Variants in PTPRM observed in about 807,000 individuals in gnomAD.
The protein encoded by PTPRM is receptor-type tyrosine-protein phosphatase mu.
A neutral mutation model predicts 186.7 loss-of-function variants in PTPRM; 47 were observed. The ratio of observed to expected loss-of-function variants is 0.25; its 90% CI spans 0.20 to 0.32. The LOEUF (loss-of-function observed/expected upper bound fraction) is 0.32, where lower values mean the gene tolerates loss of function less well. PTPRM is among the 10% of genes least tolerant of loss of function. The probability of loss-of-function intolerance (pLI) is 1.00; values close to 1 mark genes in which losing one functional copy is unlikely to be tolerated. For missense variants in PTPRM, 1,494 were observed against 1,865.0 expected, an observed-to-expected ratio of 0.80 and a Z score of 3.66; for synonymous variants, 668 against 674.9, an observed-to-expected ratio of 0.99 and a Z score of 0.16.
intron 2 of PTPRM, among the ~76,000 whole-genome samples, chr18:7,809,214 C>T (rs7233698): frequency 0.014 from 2,094 of 152,158 alleles, 42 homozygotes; most frequent in African/African-American, 0.048. Flanking sequence ...CGGTAGGAGG[C>T]GGCAGGCAAG....
At chr18:7,748,433 G>A (rs534545242) in intron 1 of PTPRM, among the ~76,000 whole-genome samples, 83 of 152,168 alleles carry the variant, frequency 5.5e-4, no homozygotes, top group Non-Finnish European at 1.0e-3. Flanking sequence ...GTCCTTCTGC[G>A]TGGGATGTGG....
intron 2 of PTPRM, among the ~76,000 whole-genome samples, chr18:7,875,521 T>C (rs2048195500): frequency 6.6e-6 from 1 of 152,034 alleles, no homozygotes; most frequent in South Asian, 2.1e-4. Context: ...AGACGGGGTT[T>C]CACCATATTG....
chr18:7,729,173 A>G (rs745925246), intron 1 of PTPRM, among the ~76,000 whole-genome samples: 1 of 152,172 alleles, frequency 6.6e-6, no homozygotes, highest in Non-Finnish European at 1.5e-5. Context: ...GCCTCTCAAA[A>G]TGCTGGGATT....
intron 14 of PTPRM, among the ~76,000 whole-genome samples, chr18:8,166,266 C>T (rs2093322837): frequency 6.6e-6 from 1 of 152,152 alleles, no homozygotes; most frequent in African/African-American, 2.4e-5. Flanking sequence ...AGGCAAGGAA[C>T]AAGTCATACT....
At chr18:8,308,047 A>G (rs1293937453) in intron 20 of PTPRM, among the ~76,000 whole-genome samples, 3 of 152,184 alleles carry the variant, frequency 2.0e-5, no homozygotes, top group Admixed American at 6.5e-5. Flanking sequence ...TTGGAAAAAT[A>G]CACATAAAAT....
At chr18:7,807,831 A>T (rs1036558111) in intron 2 of PTPRM, among the ~76,000 whole-genome samples, 1 of 152,240 alleles carries the variant, frequency 6.6e-6, no homozygotes, top group African/African-American at 2.4e-5. Flanking sequence ...TGACTTCATA[A>T]TAATTGACGC....
intron 7 of PTPRM, among the ~76,000 whole-genome samples, chr18:8,042,877 T>C (rs2086779813): frequency 6.6e-6 from 1 of 152,166 alleles, no homozygotes; most frequent in Non-Finnish European, 1.5e-5. Flanking sequence ...ATTTTCTTGG[T>C]CCAGGCCTCA....
intron 1 of PTPRM, among the ~76,000 whole-genome samples, chr18:7,633,620 G>A (rs1195880165): frequency 2.0e-5 from 3 of 152,074 alleles, no homozygotes; most frequent in African/African-American, 4.8e-5. Context: ...TTTCAAATCT[G>A]ACCTGCTCTC....
chr18:7,591,475 T>A (rs1043984768), intron 1 of PTPRM, among the ~76,000 whole-genome samples: 1 of 152,072 alleles, frequency 6.6e-6, no homozygotes, highest in Non-Finnish European at 1.5e-5. Flanking sequence ...AACAACAGAC[T>A]GGAAACCCCA....
intron 1 of PTPRM, among the ~76,000 whole-genome samples, chr18:7,763,854 T>C (rs2041896263): frequency 6.6e-6 from 1 of 152,186 alleles, no homozygotes; most frequent in Non-Finnish European, 1.5e-5. Flanking sequence ...GTTTATCAGC[T>C]GTCCCAGATA....
At chr18:7,654,715 C>A (rs964362992) in intron 1 of PTPRM, among the ~76,000 whole-genome samples, 1 of 152,100 alleles carries the variant, frequency 6.6e-6, no homozygotes, top group Non-Finnish European at 1.5e-5. Context: ...GAGTCCTTTC[C>A]CCATTGCTTG....
rs74555807 is a variant in PTPRM at position 8,276,480 on chromosome 18, G to A, written c.2755-19888G>A. On this transcript the variant is annotated intron_variant, in intron 19 of 32. Transcript: ENST00000580170. ...TTAGTACCAGGTAGTGGACTTCCTCGTGGTGGTGGGAAGAGAAATCAATAT... is the reference window on the plus strand; with the variant it reads ...TTAGTACCAGGTAGTGGACTTCCTCATGGTGGTGGGAAGAGAAATCAATAT... Among the ~76,000 whole-genome samples, 1,390 of 152,236 alleles carry A rather than the reference G, an allele frequency of 9.1e-3. 26 individuals are homozygous for A. Among genetic ancestry groups the A allele is most frequent in the African/African-American group, 0.032 (1,336 of 41,544 alleles).
intron 1 of PTPRM, among the ~76,000 whole-genome samples, chr18:7,606,436 T>A (rs1331114533): frequency 6.6e-6 from 1 of 152,064 alleles, no homozygotes; most frequent in Non-Finnish European, 1.5e-5. Flanking sequence ...ACCTGTGCGG[T>A]TGGAGAGCTT....
At chr18:7,858,625 A>G (rs1473820769) in intron 2 of PTPRM, among the ~76,000 whole-genome samples, 2 of 152,220 alleles carry the variant, frequency 1.3e-5, no homozygotes, top group African/African-American at 2.4e-5. Context: ...AGAATTACCA[A>G]TATAATTTAA....
chr18:7,609,466 C>T (rs1258410655), intron 1 of PTPRM, among the ~76,000 whole-genome samples: 2 of 151,224 alleles, frequency 1.3e-5, no homozygotes, highest in African/African-American at 4.9e-5. Context: ...CCAGAGTCCT[C>T]TTGCATAGAA....
intron 2 of PTPRM, among the ~76,000 whole-genome samples, chr18:7,877,631 G>A (rs9304004): frequency 0.1 from 15,606 of 152,162 alleles, 1,262 homozygotes; most frequent in African/African-American, 0.23. Context: ...ACTTGCAAAA[G>A]AGAGTTAGTT....
intron 1 of PTPRM, among the ~76,000 whole-genome samples, chr18:7,765,500 G>T (rs931701589): frequency 6.6e-6 from 1 of 152,122 alleles, no homozygotes; most frequent in African/African-American, 2.4e-5. Context: ...AGAAGTCACT[G>T]TGATTTAAAA....
intron 2 of PTPRM, among the ~76,000 whole-genome samples, chr18:7,831,550 G>T (rs1416664891): frequency 6.6e-6 from 1 of 152,108 alleles, no homozygotes; most frequent in East Asian, 1.9e-4. Context: ...TGACAGAGAT[G>T]AAGTGCATAA....
intron 7 of PTPRM, among the ~76,000 whole-genome samples, chr18:7,961,429 T>C (rs1234533474): frequency 6.6e-6 from 1 of 152,248 alleles, no homozygotes; most frequent in East Asian, 1.9e-4. Flanking sequence ...TCCAGGTTTA[T>C]CCATGTCATC....
Sources: allele counts gnomAD v4.1 joint callset (sites outside exome capture counted in the v4.1 genomes callset), GRCh38; gene constraint gnomAD v4.1.1; transcripts MANE v1.5; gene names NCBI Gene and HGNC (gene_info 2026-07-23, HGNC 2026-07-21).